Variants in CLTCL1 observed in about 807,000 individuals in gnomAD.
CLTCL1 encodes the protein clathrin heavy chain like 1.
In CLTCL1, 159 loss-of-function variants were observed where a neutral mutation model predicts 190.0. The ratio of observed to expected loss-of-function variants is 0.84; its 90% CI spans 0.74 to 0.95. CLTCL1 has a LOEUF of 0.95. Ranked by LOEUF, CLTCL1 falls within the 40% of genes least tolerant of loss-of-function variation. The pLI is 0.00. For synonymous variants in CLTCL1, 752 were observed against 769.6 expected (o/e 0.98, Z 0.38); for missense variants, 1,878 against 2,033.4 (o/e 0.92, Z 1.47).
chr22:19,229,699 G>T, intron 11 of CLTCL1, 139 bp downstream of exon 11: 1 of 727,880 alleles, frequency 1.4e-6, no homozygotes, highest in Non-Finnish European at 2.0e-6. Context: ...GGAAAGTCAT[G>T]GAGAATGTCC....
intron 10 of CLTCL1, 43 bp downstream of exon 10, chr22:19,232,433 T>C: frequency 1.2e-6 from 2 of 1,612,626 alleles, no homozygotes; most frequent in Non-Finnish European, 1.7e-6. Flanking sequence ...TCTAGATGGC[T>C]CTAAAAAGCC....
intron 2 of CLTCL1, among the ~76,000 whole-genome samples, chr22:19,264,611 C>T (rs941852942): frequency 1.3e-5 from 2 of 152,234 alleles, no homozygotes; most frequent in African/African-American, 4.8e-5. Flanking sequence ...AGCTACGCAA[C>T]AACTGATATT....
In CLTCL1 at chr22:19,291,692, C is replaced by A; in HGVS notation, c.-51G>T. ...CGGCGGCAGCGGCAGGAATGAACGCCGACCCCTCGCGCGGGCTGACCGGTG... is the reference window on the plus strand; with the variant it reads ...CGGCGGCAGCGGCAGGAATGAACGCAGACCCCTCGCGCGGGCTGACCGGTG... On this transcript the variant is annotated 5_prime_UTR_variant, in exon 1 of 33. Transcript: ENST00000427926. 7.6e-7 allele frequency: 1 copy of A among 1,323,202 alleles called. No homozygotes were observed. The highest frequency in any genetic ancestry group is 9.7e-7 in the Non-Finnish European group (1 of 1,027,130). The allele number at this position is 1,323,202 out of a possible 1,614,324, so 82.0% of individuals were successfully genotyped here.
At chr22:19,276,888 G>T (rs1011618293) in intron 1 of CLTCL1, among the ~76,000 whole-genome samples, 3 of 152,052 alleles carry the variant, frequency 2.0e-5, no homozygotes, top group Non-Finnish European at 4.4e-5. Flanking sequence ...TAGCCAGGAT[G>T]GTCTCAATCT....
rs782283789 is a variant in CLTCL1 at position 19,239,249 on chromosome 22, ATG to A, written c.795+24_795+25del. ...CTAGAGTAGATTTTAGGACATGAAG[ATG>A]TTTAGAGAGCAGCACATTCGTACCT... On this transcript the variant is annotated intron_variant, in intron 5 of 32. Coordinates refer to ENST00000427926, the MANE Select transcript of CLTCL1 (RefSeq NM_007098.4). 2.0e-6 allele frequency: 3 copies of A among 1,538,354 alleles called. No homozygotes were observed. The South Asian group carries it at 3.4e-5, about 17-fold the overall frequency.
At chr22:19,207,509 GTTAC>G in intron 22 of CLTCL1, 1 of 401,542 alleles carries the variant, frequency 2.5e-6, no homozygotes, top group East Asian at 3.6e-5. Context: ...ATAGCAACAG[GTTAC>G]TTACTTCCTC....
chr22:19,270,726 C>CAAAAAAAAA (rs35877753), intron 2 of CLTCL1, among the ~76,000 whole-genome samples: 4 of 78,816 alleles, frequency 5.1e-5, no homozygotes, highest in African/African-American at 5.1e-5. Context: ...GACTCCAACT[C>CAAAAAAAAA]AAAAAAAAAA....
chr22:19,269,492 T>A (rs1230483597), intron 2 of CLTCL1, among the ~76,000 whole-genome samples: 3 of 152,216 alleles, frequency 2.0e-5, no homozygotes, highest in Non-Finnish European at 4.4e-5. Context: ...TGCACACATA[T>A]GTTTATTGCA....
intron 5 of CLTCL1, 85 bp from the exon 6 acceptor site, chr22:19,235,954 T>G: frequency 4.3e-6 from 5 of 1,174,838 alleles, no homozygotes; most frequent in Non-Finnish European, 6.0e-6. Flanking sequence ...ATAAAGAGGA[T>G]TCTTGTTTGT....
Position 19,222,798 on chromosome 22 carries a change from G to A in CLTCL1, c.2304C>T (p.Leu768=), listed in dbSNP as rs1555953407. 2 of 1,598,460 alleles carry A rather than the reference G, an allele frequency of 1.3e-6. No individual in the cohort carries two copies. Among genetic ancestry groups the A allele is most frequent in the Non-Finnish European group, 1.7e-6 (2 of 1,172,564 alleles). Residue 768 remains leucine, a synonymous_variant, in exon 15 of 33, where the codon CTC becomes CTT. Transcript: ENST00000427926. The part of the protein sequence containing the change: ...RVKNFLKEAK[L]TDQLPLIIVC... ...CGATGATGAGGGGAAGCTGGTCTGT[G>A]AGCTTGGCCTCCTGAGGATTAGAAT...
At chr22:19,274,124 G>A (rs1190254529) in intron 2 of CLTCL1, among the ~76,000 whole-genome samples, 1 of 152,086 alleles carries the variant, frequency 6.6e-6, no homozygotes, top group Non-Finnish European at 1.5e-5. Context: ...ACACTAAACA[G>A]CAAACAAAAC....
intron 13 of CLTCL1, among the ~76,000 whole-genome samples, chr22:19,224,847 G>C (rs1311779329): frequency 6.6e-6 from 1 of 152,174 alleles, no homozygotes; most frequent in Non-Finnish European, 1.5e-5. Context: ...TGGACACATG[G>C]CAGTGGCTTG....
chr22:19,210,924 G>C (rs1206601409), intron 19 of CLTCL1, among the ~76,000 whole-genome samples: 2 of 151,968 alleles, frequency 1.3e-5, no homozygotes. Context: ...TTTTGAGACG[G>C]GGTCTTGCTA....
chr22:19,195,656 G>A (rs1192981927), intron 26 of CLTCL1, among the ~76,000 whole-genome samples: 1 of 152,150 alleles, frequency 6.6e-6, no homozygotes, highest in Non-Finnish European at 1.5e-5. Context: ...CTGGAGAGGG[G>A]TGGGTCCTGA....
At chr22:19,273,055 C>CCG (rs199908308) in intron 2 of CLTCL1, among the ~76,000 whole-genome samples, 7 of 152,108 alleles carry the variant, frequency 4.6e-5, no homozygotes, top group African/African-American at 1.2e-4. Flanking sequence ...CACCCCCCCA[C>CCG]ACACCCTGTA....
chr22:19,288,139 C>T (rs1332411250), intron 1 of CLTCL1, among the ~76,000 whole-genome samples: 5 of 152,152 alleles, frequency 3.3e-5, no homozygotes, highest in African/African-American at 4.8e-5. Context: ...CACTTAGTAG[C>T]GGTCAGTTAC....
chr22:19,192,510 A>T (rs2084546635), intron 26 of CLTCL1, among the ~76,000 whole-genome samples: 1 of 152,164 alleles, frequency 6.6e-6, no homozygotes, highest in South Asian at 2.1e-4. Context: ...GGGTCCCGGG[A>T]TGTGCACAGG....
chr22:19,217,479 G>C (rs1364948110), intron 18 of CLTCL1, among the ~76,000 whole-genome samples: 1 of 151,990 alleles, frequency 6.6e-6, no homozygotes, highest in Non-Finnish European at 1.5e-5. Flanking sequence ...AGCCGGGCGT[G>C]GTGGCGGGCG....
intron 2 of CLTCL1, chr22:19,258,025 T>G: frequency 2.0e-6 from 1 of 512,248 alleles, no homozygotes; most frequent in Non-Finnish European, 3.8e-6. Flanking sequence ...GAGTCAAGTA[T>G]GAGACAGAGC....
Sources: gnomAD v4.1 joint callset for allele counts (sites outside exome capture counted in the v4.1 genomes callset) on GRCh38, gnomAD v4.1.1 for gene constraint, MANE v1.5 for transcripts, NCBI Gene and HGNC (gene_info 2026-07-23, HGNC 2026-07-21) for gene names.